Variants in HLCS observed in about 807,000 individuals in gnomAD.
HLCS encodes the protein holocarboxylase synthetase.
In HLCS, 53 loss-of-function variants were observed where a neutral mutation model predicts 75.0. The ratio of observed to expected loss-of-function variants is 0.71; its 90% CI spans 0.57 to 0.89. HLCS has a LOEUF of 0.89. Among genes scored for constraint, HLCS ranks in the 40% least tolerant of loss-of-function variants. The pLI is 0.00. For synonymous variants in HLCS, 431 were observed against 428.6 expected, an observed-to-expected ratio of 1.01 and a Z score of -0.07; for missense variants, 966 against 1,074.0, an observed-to-expected ratio of 0.90 and a Z score of 1.41.
intron 6 of HLCS, among the ~76,000 whole-genome samples, chr21:36,819,284 G>A (rs2061754904): frequency 6.6e-6 from 1 of 152,238 alleles, no homozygotes; most frequent in Admixed American, 6.5e-5. Context: ...AGGTCCAGCA[G>A]AAGGGTTCCC....
At chr21:36,759,160 T>C (rs571885434) in intron 9 of HLCS, 269 of 471,172 alleles carry the variant, frequency 5.7e-4, no homozygotes, top group South Asian at 4.0e-3. Context: ...GATTAGGTTC[T>C]ACTGCCACAG....
chr21:36,821,546 C>T (rs1448583475), intron 6 of HLCS, among the ~76,000 whole-genome samples: 1 of 152,218 alleles, frequency 6.6e-6, no homozygotes, highest in Non-Finnish European at 1.5e-5. Flanking sequence ...CCCTCCTCCC[C>T]AAACCTCCTG....
Position 36,930,421 on chromosome 21 carries a change from G to C in HLCS, c.1450C>G (p.Leu484Val), listed in dbSNP as rs1490891842. 1 of 1,613,892 alleles carries C rather than the reference G, an allele frequency of 6.2e-7. No homozygotes were observed. The highest frequency in any genetic ancestry group is 1.3e-5 in the African/African-American group (1 of 74,914). ...TGCACTATGTTGGAGCTGGGAGGTA[G>C]TTCTAAGTGCACCTGAAGGGGAAAG... The part of the protein sequence containing the change: ...EAVLCQVHLE[L>V]PPSSNIVQTP... Residue 484 changes from leucine (L) to valine (V), a missense_variant, in exon 5 of 11, where the codon CTA becomes GTA. By Grantham distance (32) the Leu-to-Val change is conservative (BLOSUM62 1). Coordinates refer to ENST00000674895, the MANE Select transcript of HLCS (RefSeq NM_001352514.2).
intron 6 of HLCS, among the ~76,000 whole-genome samples, chr21:36,846,595 A>G (rs999782570): frequency 6.6e-6 from 1 of 152,236 alleles, no homozygotes; most frequent in Admixed American, 6.5e-5. Context: ...AAAAATTCTA[A>G]AAGAAGAATC....
intron 6 of HLCS, among the ~76,000 whole-genome samples, chr21:36,886,519 T>C (rs944958160): frequency 1.3e-5 from 2 of 149,880 alleles, no homozygotes; most frequent in Non-Finnish European, 3.0e-5. Context: ...CAGCTTGCCC[T>C]ACCCTGAAGG....
At chr21:36,872,531 A>G (rs1325956433) in intron 6 of HLCS, among the ~76,000 whole-genome samples, 4 of 152,176 alleles carry the variant, frequency 2.6e-5, no homozygotes. Flanking sequence ...CCCAGAAACA[A>G]CCATTCTTCT....
At chr21:36,947,228 A>C in intron 2 of HLCS, 1 of 446,682 alleles carries the variant, frequency 2.2e-6, no homozygotes, top group Non-Finnish European at 3.0e-6. Context: ...CTGAAGAGGA[A>C]TGAGGCAGGA....
chr21:36,838,685 C>A (rs1182049278), intron 6 of HLCS, among the ~76,000 whole-genome samples: 1 of 144,762 alleles, frequency 6.9e-6, no homozygotes, highest in Non-Finnish European at 1.5e-5. Flanking sequence ...GCCTGGGCGA[C>A]AGAGCGAGAC....
At chr21:36,778,789 TACTC>T (rs1470345890) in intron 6 of HLCS, among the ~76,000 whole-genome samples, 2 of 152,240 alleles carry the variant, frequency 1.3e-5, no homozygotes, top group Non-Finnish European at 2.9e-5. Flanking sequence ...TTTATTTTGA[TACTC>T]AAATAGCCAC....
At position 36,919,614 on chromosome 21, in the gene HLCS, T is replaced by C. The variant is rs73387829; in HGVS notation, c.1620+10637A>G. 6.7e-3 allele frequency among the ~76,000 whole-genome samples: 1,015 copies of C among 152,294 alleles called. 9 individuals carry two copies. Among genetic ancestry groups the C allele is most frequent in the African/African-American group, 0.024 (977 of 41,570 alleles). ...AGGAAAACCCAACTGTCATAAATAA[T>C]GGGGACCAAATTGTTAAAAGACAAG... On this transcript the variant is annotated intron_variant, in intron 5 of 10. Coordinates refer to ENST00000674895, the MANE Select transcript of HLCS (RefSeq NM_001352514.2).
intron 6 of HLCS, among the ~76,000 whole-genome samples, chr21:36,892,283 A>T (rs2064819410): frequency 6.6e-6 from 1 of 152,226 alleles, no homozygotes; most frequent in Non-Finnish European, 1.5e-5. Flanking sequence ...CCCTTTCAGA[A>T]GGCAAAGCCA....
intron 6 of HLCS, among the ~76,000 whole-genome samples, chr21:36,892,042 T>C (rs939964290): frequency 1.3e-5 from 2 of 152,112 alleles, no homozygotes; most frequent in African/African-American, 4.8e-5. Flanking sequence ...TGAAAAACTG[T>C]CTAGACAAGA....
At chr21:36,818,933 T>G (rs999018626) in intron 6 of HLCS, among the ~76,000 whole-genome samples, 1 of 152,162 alleles carries the variant, frequency 6.6e-6, no homozygotes, top group African/African-American at 2.4e-5. Context: ...GACGAGTTAG[T>G]TTTGAGTCTC....
chr21:36,852,443 T>C (rs1372491285), intron 6 of HLCS, among the ~76,000 whole-genome samples: 1 of 152,180 alleles, frequency 6.6e-6, no homozygotes, highest in African/African-American at 2.4e-5. Flanking sequence ...CTCAAGTCCA[T>C]GCACAGGGCA....
chr21:36,874,407 AAT>A lies in HLCS; in HGVS notation c.1892+22451_1892+22452del, dbSNP rs1491027416. 3.8e-4 allele frequency among the ~76,000 whole-genome samples: 48 copies of A among 125,464 alleles called. 1 individual carries two copies. Among genetic ancestry groups the A allele is most frequent in the Admixed American group, 2.0e-3 (27 of 13,480 alleles). The allele number at this position is 125,464 out of a possible 152,430, so 82.3% of individuals were successfully genotyped here. A position where few individuals can be genotyped will look rare whatever the true frequency, so the allele number is the denominator to read the frequency against. Reference sequence around the variant, plus strand: ...ACAGAGCGAGACTCCGTCTCAAAAAAATAAAATAAAATAAAATAAAATAAAAT... The same window carrying A: ...ACAGAGCGAGACTCCGTCTCAAAAAAAAAATAAAATAAAATAAAATAAAAT... On this transcript the variant is annotated intron_variant, in intron 6 of 10. Transcript: ENST00000674895.
rs780948465 is a variant in HLCS at position 36,937,177 on chromosome 21, C to T, written c.709G>A (p.Asp237Asn). ...ASGSEPAGDSDRGGGPVEHYH... is the reference protein window; with the variant it reads ...ASGSEPAGDSNRGGGPVEHYH... Reference sequence around the variant, plus strand: ...TGCTCAACGGGGCCCCCTCCCCTGTCACTGTCCCCAGCAGGCTCACTCCCA... The same window carrying T: ...TGCTCAACGGGGCCCCCTCCCCTGTTACTGTCCCCAGCAGGCTCACTCCCA... The change falls in exon 4 of 11, where the codon GAC (aspartate) becomes AAC (asparagine). Residue 237 changes from aspartate (D) to asparagine (N), a missense_variant. By Grantham distance (23) the Asp-to-Asn change is conservative. Transcript: ENST00000674895. 65 of 1,614,084 alleles carry T rather than the reference C, an allele frequency of 4.0e-5. No individual in the cohort carries two copies. The highest frequency in any genetic ancestry group is 1.7e-5 in the Admixed American group (1 of 60,008).
chr21:36,851,470 TA>T (rs1257827313), intron 6 of HLCS, among the ~76,000 whole-genome samples: 1 of 151,994 alleles, frequency 6.6e-6, no homozygotes, highest in Non-Finnish European at 1.5e-5. Flanking sequence ...GTGTGGGAGC[TA>T]AAAATTAAAA....
intron 5 of HLCS, among the ~76,000 whole-genome samples, chr21:36,905,794 G>GT (rs1350563752): frequency 6.6e-6 from 1 of 152,142 alleles, no homozygotes; most frequent in Non-Finnish European, 1.5e-5. Flanking sequence ...GCTCACGTCT[G>GT]TAATCCCAGC....
intron 2 of HLCS, among the ~76,000 whole-genome samples, chr21:36,944,568 T>C (rs184484841): frequency 6.8e-6 from 1 of 146,854 alleles, no homozygotes; most frequent in East Asian, 1.9e-4. Flanking sequence ...ACAATTTCTT[T>C]ATTTTTTTTC....
Sources: allele counts gnomAD v4.1 joint callset (sites outside exome capture counted in the v4.1 genomes callset), GRCh38; gene constraint gnomAD v4.1.1; transcripts MANE v1.5; gene names NCBI Gene and HGNC (gene_info 2026-07-23, HGNC 2026-07-21).